PPARG: variants seen among roughly 807,000 people sequenced by gnomAD.
PPARG encodes peroxisome proliferator-activated receptor gamma.
PPARG carries 17 observed loss-of-function variants against 39.2 expected under a neutral mutation model. The ratio of observed to expected loss-of-function variants is 0.43; its 90% CI spans 0.30 to 0.65. PPARG has a LOEUF of 0.65. Ranked by LOEUF, PPARG falls within the 30% of genes least tolerant of loss-of-function variation. The pLI is 0.13. For synonymous variants in PPARG, 223 were observed against 215.7 expected (o/e 1.03, Z -0.30); for missense variants, 406 against 585.9 (o/e 0.69, Z 3.17).
intron 7 of PPARG, among the ~76,000 whole-genome samples, chr3:12,417,888 CTTTTTTTTTTTTCCTTTT>C (rs2051125534): frequency 1.6e-4 from 10 of 64,064 alleles, no homozygotes; most frequent in Non-Finnish European, 2.0e-4. Flanking sequence ...TTTTTTTTTT[CTTTTTTTTTTTTCCTTTT>C]TTTTTTTTTT....
Position 12,379,690 on chromosome 3 carries a change from A to G in PPARG, c.-8-14A>G, listed in dbSNP as rs371713160. On this transcript the variant is annotated splice_polypyrimidine_tract_variant and intron_variant, in intron 2 of 7. Coordinates refer to ENST00000651735, the MANE Select transcript of PPARG (RefSeq NM_138711.6). ...TAGGACTTAACTTCACAGCTAGTCT[A>G]TTTTTCCTTTCAGAAATGACCATGG... The G allele has an allele frequency of 7.1e-5, 114 of 1,608,022 alleles. No homozygotes were observed. Among genetic ancestry groups the G allele is most frequent in the Non-Finnish European group, 8.9e-5 (105 of 1,174,744 alleles).
intron 1 of PPARG, among the ~76,000 whole-genome samples, chr3:12,302,209 G>A (rs1346544588): frequency 6.6e-6 from 1 of 152,148 alleles, no homozygotes; most frequent in African/African-American, 2.4e-5. Flanking sequence ...CTCAGGGATT[G>A]ACAGGATAGC....
rs143287325 is a variant in PPARG, at chr3:12,393,190, ATTT to A, written c.529+460_529+462del. Among the ~76,000 whole-genome samples, 836 of 111,516 alleles carry A rather than the reference ATTT, an allele frequency of 7.5e-3. 6 individuals carry two copies. Among genetic ancestry groups the A allele is most frequent in the Admixed American group, 0.019 (198 of 10,342 alleles). The allele number at this position is 111,516 out of a possible 152,430, so 73.2% of individuals were successfully genotyped here. On this transcript the variant is annotated intron_variant, in intron 5 of 7. Transcript: ENST00000651735. ...GCATATGAGAATTTAGATTCATTTAATTTTTTTTTTTTTTTTTTTTTTTTGCTG... is the reference window on the plus strand; with the variant it reads ...GCATATGAGAATTTAGATTCATTTAATTTTTTTTTTTTTTTTTTTTTGCTG...
chr3:12,378,803 A>G (rs563451054), intron 2 of PPARG, among the ~76,000 whole-genome samples: 7 of 152,264 alleles, frequency 4.6e-5, no homozygotes, highest in Middle Eastern at 3.4e-3. Flanking sequence ...ACTGTATGGT[A>G]TATTTGAAAT....
At chr3:12,366,249 G>A (rs2049012365) in intron 2 of PPARG, among the ~76,000 whole-genome samples, 1 of 151,830 alleles carries the variant, frequency 6.6e-6, no homozygotes, top group African/African-American at 2.4e-5. Flanking sequence ...GTTCATTGCT[G>A]GTATATAGGA....
chr3:12,297,437 A>G (rs937224979), intron 1 of PPARG, among the ~76,000 whole-genome samples: 5 of 152,184 alleles, frequency 3.3e-5, no homozygotes, highest in African/African-American at 1.2e-4. Context: ...ATTCAGTAGT[A>G]TAAAATTACT....
intron 7 of PPARG, among the ~76,000 whole-genome samples, chr3:12,424,789 A>G (rs2051380655): frequency 6.6e-6 from 1 of 152,084 alleles, no homozygotes; most frequent in Non-Finnish European, 1.5e-5. Flanking sequence ...AGGAGTTCCA[A>G]ATCCCCACTC....
At chr3:12,429,793 A>G (rs953981693) in intron 7 of PPARG, among the ~76,000 whole-genome samples, 50 of 152,186 alleles carry the variant, frequency 3.3e-4, no homozygotes, top group African/African-American at 1.1e-3. Flanking sequence ...CCAGCCTTCA[A>G]TGAAGCATCA....
At chr3:12,425,661 A>G (rs1207238707) in intron 7 of PPARG, among the ~76,000 whole-genome samples, 1 of 152,102 alleles carries the variant, frequency 6.6e-6, no homozygotes, top group Non-Finnish European at 1.5e-5. Context: ...CCCCAGTCAG[A>G]TTCCTTCTTG....
chr3:12,401,647 T>C (rs1382040405), intron 5 of PPARG, among the ~76,000 whole-genome samples: 2 of 151,378 alleles, frequency 1.3e-5, no homozygotes, highest in Non-Finnish European at 2.9e-5. Flanking sequence ...CAAATAAAAA[T>C]CCTTGTTTTC....
intron 7 of PPARG, among the ~76,000 whole-genome samples, chr3:12,418,319 ATC>A (rs1289313965): frequency 6.6e-6 from 1 of 152,174 alleles, no homozygotes; most frequent in East Asian, 1.9e-4. Context: ...TTTTACTTTC[ATC>A]TCTCTGTATA....
chr3:12,340,041 A>T (rs2048136738), intron 2 of PPARG, among the ~76,000 whole-genome samples: 1 of 152,178 alleles, frequency 6.6e-6, no homozygotes, highest in South Asian at 2.1e-4. Flanking sequence ...CATCCTATGT[A>T]ACTCTCTTAT....
intron 2 of PPARG, among the ~76,000 whole-genome samples, chr3:12,336,751 A>C (rs753296268): frequency 1.2e-4 from 19 of 152,320 alleles, no homozygotes; most frequent in Non-Finnish European, 2.4e-4. Context: ...TTAGCTGGGA[A>C]AAGAAGGTAA....
intron 2 of PPARG, among the ~76,000 whole-genome samples, chr3:12,315,568 G>A (rs909933167): frequency 2.6e-5 from 4 of 152,104 alleles, no homozygotes; most frequent in African/African-American, 9.7e-5. Flanking sequence ...TTAGATTTTC[G>A]CTAATTTATA....
chr3:12,400,673 G>A (rs2125238724), intron 5 of PPARG, among the ~76,000 whole-genome samples: 1 of 152,306 alleles, frequency 6.6e-6, no homozygotes, highest in African/African-American at 2.4e-5. Context: ...CTGTAGAACA[G>A]ACAGAATGTA....
intron 1 of PPARG, among the ~76,000 whole-genome samples, chr3:12,308,152 T>G (rs1031106229): frequency 6.6e-6 from 1 of 151,814 alleles, no homozygotes; most frequent in African/African-American, 2.4e-5. Flanking sequence ...GAGATCAGCA[T>G]GGACAACATA....
intron 2 of PPARG, among the ~76,000 whole-genome samples, chr3:12,374,550 G>T (rs1030277339): frequency 2.0e-5 from 3 of 152,178 alleles, no homozygotes; most frequent in African/African-American, 4.8e-5. Flanking sequence ...AGTGAGCCAA[G>T]ATCGTGCCAC....
intron 7 of PPARG, among the ~76,000 whole-genome samples, chr3:12,422,484 T>A (rs570203959): frequency 6.6e-6 from 1 of 152,368 alleles, no homozygotes; most frequent in East Asian, 1.9e-4. Flanking sequence ...ACTTTTTGCG[T>A]ATTGAGATGT....
At chr3:12,307,738 T>C (rs910826809) in intron 1 of PPARG, among the ~76,000 whole-genome samples, 5 of 152,100 alleles carry the variant, frequency 3.3e-5, no homozygotes, top group African/African-American at 1.2e-4. Context: ...GGAAGGAGTA[T>C]ATGAGAAGGG....
Sources: gnomAD v4.1 joint callset for allele counts (sites outside exome capture counted in the v4.1 genomes callset) on GRCh38, gnomAD v4.1.1 for gene constraint, MANE v1.5 for transcripts, NCBI Gene and HGNC (gene_info 2026-07-23, HGNC 2026-07-21) for gene names.